HMBOX1: variants seen among roughly 807,000 people sequenced by gnomAD.
HMBOX1 encodes homeobox containing 1, also known as homeobox-containing protein 1.
Under a neutral mutation model 54.5 loss-of-function variants are expected in HMBOX1, and 14 were observed. The ratio of observed to expected loss-of-function variants is 0.26; its 90% CI spans 0.17 to 0.40. The LOEUF (loss-of-function observed/expected upper bound fraction) is 0.40, where lower values mean the gene tolerates loss of function less well. Ranked by LOEUF, HMBOX1 falls within the 10% of genes least tolerant of loss-of-function variation. The pLI is 1.00. For synonymous variants in HMBOX1, 160 were observed against 181.0 expected (o/e 0.88, Z 0.93); for missense variants, 332 against 514.4 (o/e 0.65, Z 3.43).
At position 29,051,380 on chromosome 8, in the gene HMBOX1, C is replaced by T; in HGVS notation, c.*225C>T. The T allele has an allele frequency of 1.6e-6, 1 of 606,308 alleles. No individual in the cohort carries two copies. 37.6% of individuals were successfully genotyped at this position (606,308 alleles called of 1,614,324 possible). A position where few individuals can be genotyped will look rare whatever the true frequency, so the allele number is the denominator to read the frequency against. ...AATAACCAACCAACCAACCAAACTT[C>T]CCTCTCCCAGCCCCCGAGGCTAGAA... is the stretch of plus-strand genomic sequence containing the variant. On this transcript the variant is annotated 3_prime_UTR_variant, in exon 10 of 10. Transcript: ENST00000287701.
Position 29,022,524 on chromosome 8 carries a change from G to A in HMBOX1, c.851+3611G>A, listed in dbSNP as rs144987911. On this transcript the variant is annotated intron_variant, in intron 6 of 9. Coordinates refer to ENST00000287701, the MANE Select transcript of HMBOX1 (RefSeq NM_001135726.3). ...CAGAAGATGACCTAAATGTCTATTT[G>A]TAGTAACTATGTCAATAAATTATAG... is the stretch of plus-strand genomic sequence containing the variant. Among the ~76,000 whole-genome samples, 431 of 152,278 alleles carry A rather than the reference G, an allele frequency of 2.8e-3. 1 individual carries two copies. Among genetic ancestry groups the A allele is most frequent in the African/African-American group, 9.9e-3 (411 of 41,560 alleles).
chr8:28,929,256 C>A (rs112203153), intron 1 of HMBOX1, among the ~76,000 whole-genome samples: 2 of 152,118 alleles, frequency 1.3e-5, no homozygotes, highest in Non-Finnish European at 2.9e-5. Flanking sequence ...GGAAATTAAT[C>A]TTCATCGTAA....
chr8:28,971,217 C>T (rs1033325583), intron 3 of HMBOX1, among the ~76,000 whole-genome samples: 2 of 151,444 alleles, frequency 1.3e-5, no homozygotes, highest in East Asian at 1.9e-4. Flanking sequence ...CTCAGCCTCC[C>T]GAGTAGCTGG....
At chr8:29,043,159 G>A (rs1484555816) in intron 6 of HMBOX1, among the ~76,000 whole-genome samples, 1 of 152,168 alleles carries the variant, frequency 6.6e-6, no homozygotes, top group Non-Finnish European at 1.5e-5. Flanking sequence ...CACCTTTCCA[G>A]GCCAGTATCT....
In HMBOX1 at chr8:28,938,612, A is replaced by AT. The variant is rs778373499; in HGVS notation, c.-57-25184dup. Reference sequence around the variant, plus strand: ...CAGGCGCACACCACCACTCCTGGCAATTTTTTTTTTTTTTTGGTAGAGACA... The same window carrying AT: ...CAGGCGCACACCACCACTCCTGGCAATTTTTTTTTTTTTTTTGGTAGAGACA... On this transcript the variant is annotated intron_variant, in intron 1 of 9. Transcript: ENST00000287701. Among the ~76,000 whole-genome samples, 1,180 of 140,490 alleles carry AT rather than the reference A, an allele frequency of 8.4e-3. 3 individuals are homozygous for AT. Among genetic ancestry groups the AT allele is most frequent in the African/African-American group, 9.7e-3 (372 of 38,368 alleles). 92.2% of individuals were successfully genotyped at this position (140,490 alleles called of 152,430 possible).
At chr8:28,940,483 A>G (rs576490712) in intron 1 of HMBOX1, among the ~76,000 whole-genome samples, 2 of 152,314 alleles carry the variant, frequency 1.3e-5, no homozygotes, top group African/African-American at 4.8e-5. Context: ...TTGTATTGTT[A>G]TTTATGTAAT....
chr8:29,045,909 A>G (rs1338593755), intron 7 of HMBOX1, among the ~76,000 whole-genome samples: 2 of 152,204 alleles, frequency 1.3e-5, no homozygotes. Context: ...TCCTTTCCAC[A>G]TTGAGATGAC....
chr8:28,914,853 G>A (rs1816214722), intron 1 of HMBOX1, among the ~76,000 whole-genome samples: 1 of 152,132 alleles, frequency 6.6e-6, no homozygotes, highest in Non-Finnish European at 1.5e-5. Flanking sequence ...ACCAGTGAAT[G>A]CATTATAAGC....
chr8:29,010,113 G>C, intron 5 of HMBOX1: 1 of 980,044 alleles, frequency 1.0e-6, no homozygotes, highest in Non-Finnish European at 1.2e-6. Flanking sequence ...AATGGTCCAG[G>C]CAGGATGAAA....
At chr8:28,951,546 TAACAAC>T (rs368971433) in intron 1 of HMBOX1, among the ~76,000 whole-genome samples, 3 of 152,152 alleles carry the variant, frequency 2.0e-5, no homozygotes, top group Non-Finnish European at 4.4e-5. Flanking sequence ...CTATTTTGTT[TAACAAC>T]AACAACAACA....
chr8:28,907,917 T>G lies in HMBOX1; in HGVS notation c.-58+17239T>G, dbSNP rs146628911. On this transcript the variant is annotated intron_variant, in intron 1 of 9. Coordinates refer to ENST00000287701, the MANE Select transcript of HMBOX1 (RefSeq NM_001135726.3). ...CTGGAGTCCAGTGGCATGATCTTGG[T>G]GCACTGCAACCTCATCTCATCAGCT... Among the ~76,000 whole-genome samples the G allele has an allele frequency of 2.2e-3, 332 of 151,944 alleles. 1 individual carries two copies. Among genetic ancestry groups the G allele is most frequent in the East Asian group, 0.012 (64 of 5,174 alleles).
chr8:28,899,169 A>G (rs559882876), intron 1 of HMBOX1, among the ~76,000 whole-genome samples: 1 of 152,352 alleles, frequency 6.6e-6, no homozygotes, highest in South Asian at 2.1e-4. Flanking sequence ...AGCTAGGATT[A>G]AGGAAGGAGA....
intron 6 of HMBOX1, among the ~76,000 whole-genome samples, chr8:29,034,781 C>T (rs1028777550): frequency 4.6e-5 from 7 of 152,102 alleles, no homozygotes; most frequent in African/African-American, 7.2e-5. Context: ...CACTTGAACC[C>T]GGGAGGCGGA....
intron 1 of HMBOX1, among the ~76,000 whole-genome samples, chr8:28,962,776 T>C (rs1586126913): frequency 6.6e-6 from 1 of 152,292 alleles, no homozygotes; most frequent in East Asian, 1.9e-4. Context: ...TTCTGGATTG[T>C]TACTCATATA....
chr8:28,966,545 C>G (rs1826469688), intron 2 of HMBOX1, among the ~76,000 whole-genome samples: 1 of 152,044 alleles, frequency 6.6e-6, no homozygotes, highest in African/African-American at 2.4e-5. Context: ...ACTTAGATGA[C>G]CTTTGTAGGT....
At position 29,051,674 on chromosome 8, in the gene HMBOX1, G is replaced by A. The variant is rs894422942; in HGVS notation, c.*519G>A. On this transcript the variant is annotated 3_prime_UTR_variant, in exon 10 of 10. Coordinates refer to ENST00000287701, the MANE Select transcript of HMBOX1 (RefSeq NM_001135726.3). ...GCGTGAGGATAATTGATTTCCAGCT[G>A]CAATAAGCCGTGCCTCATTATAGCC... The A allele has an allele frequency of 5.7e-6, 4 of 698,594 alleles. No homozygotes were observed. The highest frequency in any genetic ancestry group is 4.0e-5 in the Admixed American group (2 of 49,912). 43.3% of individuals were successfully genotyped at this position (698,594 alleles called of 1,614,324 possible).
In HMBOX1 at chr8:29,012,125, ATTTG is replaced by A. The variant is rs573644517; in HGVS notation, c.697+2949_697+2952del. 2.8e-3 allele frequency among the ~76,000 whole-genome samples: 426 copies of A among 152,324 alleles called. 4 individuals carry two copies. The highest frequency in any genetic ancestry group is 9.4e-3 in the African/African-American group (391 of 41,576). On this transcript the variant is annotated intron_variant, in intron 5 of 9. Coordinates refer to ENST00000287701, the MANE Select transcript of HMBOX1 (RefSeq NM_001135726.3). ...CAGCAATTGGGTATTAGCAACTGAA[ATTTG>A]TTTGTCTTTTTCTTTGCATTTTGAC...
intron 9 of HMBOX1, chr8:29,049,471 T>A: frequency 6.8e-7 from 1 of 1,475,778 alleles, no homozygotes; most frequent in Admixed American, 2.1e-5. Flanking sequence ...CCTAAACACG[T>A]ACCGACGCAG....
intron 6 of HMBOX1, among the ~76,000 whole-genome samples, chr8:29,023,998 T>G (rs1173691721): frequency 6.6e-6 from 1 of 152,218 alleles, no homozygotes; most frequent in Non-Finnish European, 1.5e-5. Flanking sequence ...TATCGACGAT[T>G]GTTTCCCAAT....
Sources: gnomAD v4.1 joint callset for allele counts (sites outside exome capture counted in the v4.1 genomes callset) on GRCh38, gnomAD v4.1.1 for gene constraint, MANE v1.5 for transcripts, NCBI Gene and HGNC (gene_info 2026-07-23, HGNC 2026-07-21) for gene names.